Variants in PTPRD observed in about 807,000 individuals in gnomAD.
PTPRD encodes the protein receptor-type tyrosine-protein phosphatase delta.
Under a neutral mutation model 214.5 loss-of-function variants are expected in PTPRD, and 34 were observed. The ratio of observed to expected loss-of-function variants is 0.16; its 90% CI spans 0.12 to 0.21. The LOEUF is 0.21. PTPRD is among the 10% of genes least tolerant of loss of function. PTPRD has a pLI of 1.00. For synonymous variants in PTPRD, 1,128 were observed against 845.7 expected (o/e 1.33, Z -5.79); for missense variants, 2,545 against 2,398.7 (o/e 1.06, Z -1.27).
chr9:9,557,893 C>T (rs1018434541), intron 8 of PTPRD, among the ~76,000 whole-genome samples: 6 of 152,248 alleles, frequency 3.9e-5, no homozygotes, highest in South Asian at 2.1e-4. Context: ...TTTTATTCAG[C>T]GGCAGCTCTC....
intron 20 of PTPRD, among the ~76,000 whole-genome samples, chr9:8,519,388 C>G (rs962203925): frequency 1.8e-4 from 27 of 152,128 alleles, no homozygotes; most frequent in Admixed American, 1.7e-3. Flanking sequence ...ACCTCATATT[C>G]AAGTGCCTTA....
chr9:8,345,192 C>A (rs1320458008), intron 39 of PTPRD, among the ~76,000 whole-genome samples: 1 of 152,012 alleles, frequency 6.6e-6, no homozygotes, highest in Non-Finnish European at 1.5e-5. Flanking sequence ...CAGGCAAGGG[C>A]CTTCCTACCA....
chr9:8,797,938 A>G (rs2096482036), intron 11 of PTPRD, among the ~76,000 whole-genome samples: 1 of 151,358 alleles, frequency 6.6e-6, no homozygotes, highest in Non-Finnish European at 1.5e-5. Context: ...GGCAAAGATC[A>G]TAGCTCTCTG....
At chr9:9,067,291 A>C (rs1299771094) in intron 10 of PTPRD, among the ~76,000 whole-genome samples, 3 of 152,194 alleles carry the variant, frequency 2.0e-5, no homozygotes, top group Non-Finnish European at 2.9e-5. Context: ...AGAATTTTCA[A>C]CTGTATTTTT....
At chr9:9,419,814 T>C (rs190145229) in intron 8 of PTPRD, among the ~76,000 whole-genome samples, 2 of 151,794 alleles carry the variant, frequency 1.3e-5, no homozygotes, top group Admixed American at 1.3e-4. Context: ...ATTAGACTTT[T>C]GTATGTAAAC....
chr9:8,790,076 C>T (rs981442335), intron 11 of PTPRD, among the ~76,000 whole-genome samples: 11 of 152,064 alleles, frequency 7.2e-5, no homozygotes, highest in African/African-American at 2.4e-4. Flanking sequence ...AATTGCAGTG[C>T]TGCCATCATC....
chr9:10,487,759 A>G lies in PTPRD; in HGVS notation c.-600+124639T>C, dbSNP rs968260170. Among the ~76,000 whole-genome samples, 4 of 151,950 alleles carry G rather than the reference A, an allele frequency of 2.6e-5. No homozygotes were observed. The South Asian group carries it at 8.3e-4, about 31-fold the overall frequency. The stretch of plus-strand genomic sequence containing the variant: ...GACAAATTGATAGGTGCAGCAAACC[A>G]CCATGGCACATGTATACCTATGTAT... On this transcript the variant is annotated intron_variant, in intron 2 of 45. Coordinates refer to ENST00000381196, the MANE Select transcript of PTPRD (RefSeq NM_002839.4).
intron 2 of PTPRD, among the ~76,000 whole-genome samples, chr9:10,581,466 T>G (rs903655651): frequency 2.0e-5 from 3 of 152,188 alleles, no homozygotes; most frequent in Non-Finnish European, 1.5e-5. Flanking sequence ...AATGTCATGG[T>G]AGGGGCAGTT....
intron 9 of PTPRD, among the ~76,000 whole-genome samples, chr9:9,257,195 C>T (rs1038446188): frequency 1.1e-4 from 17 of 151,968 alleles, no homozygotes; most frequent in African/African-American, 3.4e-4. Flanking sequence ...AGTTAAGTGA[C>T]TTTGCCAAGA....
intron 9 of PTPRD, among the ~76,000 whole-genome samples, chr9:9,340,145 G>T (rs567769696): frequency 1.3e-5 from 2 of 152,226 alleles, no homozygotes; most frequent in African/African-American, 4.8e-5. Context: ...GCTAAAGACA[G>T]TAAAGTGATA....
At chr9:8,504,212 C>T (rs766264149) in intron 23 of PTPRD, 49 bp downstream of exon 23, 172 of 1,599,690 alleles carry the variant, frequency 1.1e-4, no homozygotes, top group Non-Finnish European at 7.8e-5. Context: ...CTAGCAACAT[C>T]TCCCCGAGGA....
chr9:9,468,782 A>T (rs1450298809), intron 8 of PTPRD, among the ~76,000 whole-genome samples: 1 of 152,156 alleles, frequency 6.6e-6, no homozygotes, highest in Non-Finnish European at 1.5e-5. Context: ...AAATTAAATT[A>T]TAATTTTATT....
At chr9:10,039,692 G>A (rs1035328634) in intron 3 of PTPRD, among the ~76,000 whole-genome samples, 2 of 150,792 alleles carry the variant, frequency 1.3e-5, no homozygotes, top group Admixed American at 6.6e-5. Context: ...AAAAACAAAG[G>A]GGTATGATTG....
At chr9:10,003,082 G>A (rs1444389840) in intron 4 of PTPRD, among the ~76,000 whole-genome samples, 1 of 151,832 alleles carries the variant, frequency 6.6e-6, no homozygotes, top group Non-Finnish European at 1.5e-5. Context: ...CACTATGAAA[G>A]AGGTGACATA....
intron 10 of PTPRD, among the ~76,000 whole-genome samples, chr9:9,034,987 G>C (rs568177313): frequency 1.3e-5 from 2 of 152,200 alleles, no homozygotes; most frequent in Non-Finnish European, 2.9e-5. Flanking sequence ...CTTTGCAGGA[G>C]GGACTTCTGG....
intron 7 of PTPRD, among the ~76,000 whole-genome samples, chr9:9,588,336 A>G (rs610789): frequency 0.31 from 47,602 of 151,652 alleles, 7,908 homozygotes; most frequent in Non-Finnish European, 0.37. Flanking sequence ...GCTTCTACTG[A>G]GTTACATTTT....
At chr9:10,137,701 T>TAAAA (rs76032048) in intron 3 of PTPRD, among the ~76,000 whole-genome samples, 53 of 71,970 alleles carry the variant, frequency 7.4e-4, no homozygotes, top group East Asian at 4.3e-3. Flanking sequence ...TAGAGTATAA[T>TAAAA]AAAAAAAAAA....
At chr9:8,329,879 G>A (rs75948924) in intron 44 of PTPRD, among the ~76,000 whole-genome samples, 16,708 of 150,840 alleles carry the variant, frequency 0.11, 1,087 homozygotes, top group African/African-American at 0.18. Context: ...AAGCTCGAAT[G>A]GCCCAGGTGG....
chr9:10,202,264 A>G lies in PTPRD; in HGVS notation c.-545+138699T>C, dbSNP rs569282109. ...ATTACAAAAATAACATTCTAATAAT[A>G]CAGTCATAGCATCCTCAGATTTCTT... On this transcript the variant is annotated intron_variant, in intron 3 of 45. Transcript: ENST00000381196. 9.9e-5 allele frequency among the ~76,000 whole-genome samples: 15 copies of G among 152,194 alleles called. No homozygotes were observed. In the South Asian group the frequency reaches 3.1e-3, roughly 32 times the overall value.
Sources: allele counts gnomAD v4.1 joint callset (sites outside exome capture counted in the v4.1 genomes callset), GRCh38; gene constraint gnomAD v4.1.1; transcripts MANE v1.5; gene names NCBI Gene and HGNC (gene_info 2026-07-23, HGNC 2026-07-21).